The following SF3A1 variants were observed in gnomAD, a reference collection of about 807,000 sequenced individuals.
The protein encoded by SF3A1 is splicing factor 3a subunit 1.
Under a neutral mutation model 89.9 loss-of-function variants are expected in SF3A1, and 13 were observed. That is an observed-to-expected ratio of 0.14 (90% CI 0.09 to 0.23). The LOEUF is 0.23. Ranked by LOEUF, SF3A1 falls within the 10% of genes least tolerant of loss-of-function variation. The pLI is 1.00. For synonymous variants in SF3A1, 405 were observed against 374.4 expected (o/e 1.08, Z -0.94); for missense variants, 604 against 1,022.1 (o/e 0.59, Z 5.58).
chr22:30,353,152 A>G (rs1373183631), intron 1 of SF3A1, 80 bp from the exon 2 acceptor site: 1 of 1,537,290 alleles, frequency 6.5e-7, no homozygotes, highest in East Asian at 2.3e-5. Flanking sequence ...CCTCTAGGAT[A>G]TCATTCAGAG....
chr22:30,338,065 T>TG (rs1931130607), intron 11 of SF3A1, among the ~76,000 whole-genome samples, 168 bp from the exon 12 acceptor site: 1 of 152,158 alleles, frequency 6.6e-6, no homozygotes, highest in African/African-American at 2.4e-5. Flanking sequence ...CAATAGGAAC[T>TG]GAGCTGCTGA....
chr22:30,342,673 T>G (rs1216405928), intron 5 of SF3A1, 132 bp downstream of exon 5: 7 of 696,126 alleles, frequency 1.0e-5, no homozygotes, highest in Non-Finnish European at 1.7e-5. Context: ...TTGGCCTTTG[T>G]AGCCAACAAA....
intron 4 of SF3A1, 120 bp downstream of exon 4, chr22:30,344,813 T>C (rs1931369116): frequency 8.7e-7 from 1 of 1,152,834 alleles, no homozygotes; most frequent in South Asian, 1.5e-5. Flanking sequence ...TCAAAACATT[T>C]GCTCAGAGGC....
intron 1 of SF3A1, among the ~76,000 whole-genome samples, chr22:30,354,642 A>T (rs1931702613): frequency 1.3e-5 from 2 of 152,216 alleles, no homozygotes; most frequent in African/African-American, 4.8e-5. Flanking sequence ...AAACAGCTTC[A>T]GGTGCAGCTA....
At position 30,332,930 on chromosome 22, in the gene SF3A1, G is replaced by GA. The variant is rs1930959002; in HGVS notation, c.*1663dup. 1 of 152,262 alleles carries GA rather than the reference G, an allele frequency of 6.6e-6. No homozygotes were observed. Among genetic ancestry groups the GA allele is most frequent in the Non-Finnish European group, 1.5e-5 (1 of 68,094 alleles). 9.4% of individuals were successfully genotyped at this position (152,262 alleles called of 1,614,324 possible). ...ACTGCCCACTGCTCCCAGAAAGAAAGAAGAACTTGGAATATGAGACTCCCC... is the reference window on the plus strand; with the variant it reads ...ACTGCCCACTGCTCCCAGAAAGAAAGAAAGAACTTGGAATATGAGACTCCCC... On this transcript the variant is annotated 3_prime_UTR_variant, in exon 16 of 16. Transcript: ENST00000215793.
At chr22:30,337,938 T>G in intron 11 of SF3A1, 41 bp from the exon 12 acceptor site, 1 of 1,464,294 alleles carries the variant, frequency 6.8e-7, no homozygotes, top group Non-Finnish European at 9.4e-7. Context: ...GAAGCCAAAG[T>G]TGGACTCCAA....
At position 30,355,033 on chromosome 22, in the gene SF3A1, C is replaced by CT. The variant is rs369958820; in HGVS notation, c.63+1696dup. On this transcript the variant is annotated intron_variant, in intron 1 of 15. Transcript: ENST00000215793. The stretch of plus-strand genomic sequence containing the variant: ...GAAGAAGCCTATAAGATTAAGTACT[C>CT]TTTTTTTTTTTGAGACAGTCTCTTG... 4.6e-3 allele frequency among the ~76,000 whole-genome samples: 674 copies of CT among 147,706 alleles called. 9 individuals carry two copies. The highest frequency in any genetic ancestry group is 0.014 in the African/African-American group (558 of 40,522).
chr22:30,341,561 T>C, intron 7 of SF3A1, 131 bp downstream of exon 7: 2 of 466,182 alleles, frequency 4.3e-6, no homozygotes, highest in Middle Eastern at 6.6e-4. Context: ...TGGGCAGCTG[T>C]ATGGCCTTGT....
chr22:30,342,063 CT>C, intron 6 of SF3A1, 136 bp downstream of exon 6: 1 of 1,234,400 alleles, frequency 8.1e-7, no homozygotes, highest in Non-Finnish European at 1.2e-6. Flanking sequence ...GAACTGAAGT[CT>C]TTTGGGAGCA....
At position 30,337,701 on chromosome 22, in the gene SF3A1, A is replaced by C. The variant is rs2145803108; in HGVS notation, c.1940T>G (p.Ile647Ser). The C allele has an allele frequency of 9.8e-6, 5 of 508,742 alleles. No homozygotes were observed. The highest frequency in any genetic ancestry group is 1.7e-5 in the Non-Finnish European group (5 of 301,830). The allele number at this position is 508,742 out of a possible 1,614,324, so 31.5% of individuals were successfully genotyped here. The change falls in exon 12 of 16, where the codon ATT becomes AGT. Residue 647 changes from isoleucine (I) to serine (S), a missense_variant. This residue lies in a region of SF3A1 where 45 missense variants were observed against 41.1 expected (regional missense o/e 1.09). Coordinates refer to ENST00000215793, the MANE Select transcript of SF3A1 (RefSeq NM_005877.6). ...CAAGAGATACTGACCTGTTGGCACA[A>C]TCATGGGGGGTGGGCGGGGGGCCAT... The part of the protein sequence containing the change: ...PIMAPRPPPM[I>S]VPTAFVPAPP...
At chr22:30,348,108 T>C (rs1027324590) in intron 2 of SF3A1, among the ~76,000 whole-genome samples, 20 of 152,236 alleles carry the variant, frequency 1.3e-4, no homozygotes, top group African/African-American at 4.8e-4. Context: ...AGTGATAGGA[T>C]TATAGGCGTG....
Sources: allele counts gnomAD v4.1 joint callset (sites outside exome capture counted in the v4.1 genomes callset), GRCh38; gene constraint gnomAD v4.1.1; regional missense constraint gnomAD v4.1.1; transcripts MANE v1.5; gene names NCBI Gene and HGNC (gene_info 2026-07-23, HGNC 2026-07-21).